Variants in ERBIN observed in about 807,000 individuals in gnomAD.
ERBIN encodes densin-180-like protein.
A neutral mutation model predicts 158.4 loss-of-function variants in ERBIN; 60 were observed. The ratio of observed to expected loss-of-function variants is 0.38; its 90% CI spans 0.31 to 0.47. ERBIN has a LOEUF of 0.47. ERBIN is among the 20% of genes least tolerant of loss of function. ERBIN has a pLI of 0.99. For synonymous variants in ERBIN, 594 were observed against 557.2 expected, an observed-to-expected ratio of 1.07 and a Z score of -0.93; for missense variants, 1,610 against 1,648.0, an observed-to-expected ratio of 0.98 and a Z score of 0.40.
intron 1 of ERBIN, among the ~76,000 whole-genome samples, chr5:65,936,683 G>A (rs1472778888): frequency 6.6e-6 from 1 of 152,158 alleles, no homozygotes; most frequent in Non-Finnish European, 1.5e-5. Context: ...ATAAGGTGAA[G>A]GGCTTTTGAT....
chr5:66,011,517 G>A (rs59690643), intron 4 of ERBIN, among the ~76,000 whole-genome samples: 1,684 of 152,120 alleles, frequency 0.011, 28 homozygotes, highest in African/African-American at 0.037. Context: ...GTGAAACCCC[G>A]TCTCTACTGA....
chr5:65,986,177 G>A (rs1374602458), intron 1 of ERBIN, among the ~76,000 whole-genome samples: 1 of 152,120 alleles, frequency 6.6e-6, no homozygotes, highest in East Asian at 1.9e-4. Context: ...TCCACAGCTT[G>A]GATCTCTTCC....
intron 15 of ERBIN, among the ~76,000 whole-genome samples, chr5:66,040,403 A>G (rs532796139): frequency 6.6e-5 from 10 of 152,052 alleles, no homozygotes; most frequent in African/African-American, 2.4e-4. Flanking sequence ...AATTCAGGTA[A>G]AACATTTATT....
At chr5:65,941,932 G>A (rs1405616343) in intron 1 of ERBIN, among the ~76,000 whole-genome samples, 2 of 152,096 alleles carry the variant, frequency 1.3e-5, no homozygotes, top group African/African-American at 4.8e-5. Flanking sequence ...AGTAGAGATG[G>A]GGTTTCACCA....
chr5:65,993,361 T>A (rs542704671), intron 3 of ERBIN, among the ~76,000 whole-genome samples: 24 of 152,348 alleles, frequency 1.6e-4, no homozygotes, highest in African/African-American at 5.5e-4. Flanking sequence ...ATTGTTTTCC[T>A]CCATTTACAA....
intron 6 of ERBIN, 38 bp downstream of exon 6, chr5:66,013,676 C>T (rs199715170): frequency 7.4e-7 from 1 of 1,356,542 alleles, no homozygotes; most frequent in African/African-American, 1.4e-5. Flanking sequence ...TTATTATTAG[C>T]TCTTATAAAG....
intron 21 of ERBIN, among the ~76,000 whole-genome samples, chr5:66,057,205 A>G (rs73763080): frequency 0.06 from 9,152 of 152,254 alleles, 973 homozygotes; most frequent in African/African-American, 0.21. Flanking sequence ...ACTTGGACAA[A>G]TAACTTTGAC....
chr5:66,053,329 AATTT>A (rs763081039), intron 20 of ERBIN, 73 bp from the exon 21 acceptor site: 116 of 852,814 alleles, frequency 1.4e-4, no homozygotes, highest in Non-Finnish European at 1.7e-4. Flanking sequence ...CTACCTACAC[AATTT>A]ATTTATTAAT....
intron 4 of ERBIN, among the ~76,000 whole-genome samples, chr5:66,005,013 A>G (rs1561361281): frequency 6.6e-6 from 1 of 152,182 alleles, no homozygotes; most frequent in Non-Finnish European, 1.5e-5. Flanking sequence ...TCAGTAGAAT[A>G]GAGTCACTTG....
At chr5:65,942,423 T>G (rs1323818782) in intron 1 of ERBIN, among the ~76,000 whole-genome samples, 1 of 152,230 alleles carries the variant, frequency 6.6e-6, no homozygotes, top group Admixed American at 6.5e-5. Flanking sequence ...CTCATCTAAG[T>G]GAGGAAATTC....
chr5:66,071,902 C>T (rs1432143457), intron 21 of ERBIN, among the ~76,000 whole-genome samples: 1 of 152,002 alleles, frequency 6.6e-6, no homozygotes, highest in Non-Finnish European at 1.5e-5. Flanking sequence ...ATGCAAAATT[C>T]ATCTTCTACA....
At chr5:65,973,961 G>C (rs1209333376) in intron 1 of ERBIN, among the ~76,000 whole-genome samples, 2 of 151,330 alleles carry the variant, frequency 1.3e-5, no homozygotes, top group African/African-American at 4.9e-5. Flanking sequence ...GAGGCCAGGC[G>C]CTGTGACTCA....
rs1759366122 is a variant in ERBIN at position 66,054,316 on chromosome 5, A to G, written c.2998A>G (p.Ile1000Val). 1 of 1,614,042 alleles carries G rather than the reference A, an allele frequency of 6.2e-7. No individual in the cohort carries two copies. Among genetic ancestry groups the G allele is most frequent in the African/African-American group, 1.3e-5 (1 of 74,920 alleles). Residue 1000 changes from isoleucine to valine, a missense_variant, in exon 21 of 26, where the codon ATA (isoleucine) becomes GTA (valine). Around this residue, in one of 2 missense-constraint regions of ERBIN, gnomAD observed 1,014 missense variants for 936.1 expected, o/e 1.08. Transcript: ENST00000284037. ...TLWHSKQNPQ[I>V]DHASFPPQLL... The stretch of plus-strand genomic sequence containing the variant: ...GTGGCACTCCAAACAAAATCCCCAA[A>G]TAGACCATGCCAGTTTTCCTCCTCA...
chr5:65,978,574 G>A (rs1016959139), intron 1 of ERBIN, among the ~76,000 whole-genome samples: 10 of 152,234 alleles, frequency 6.6e-5, no homozygotes, highest in African/African-American at 2.4e-4. Context: ...GGTGAATGTG[G>A]CAGTTTGCCC....
At chr5:65,951,678 A>C (rs1379039354) in intron 1 of ERBIN, among the ~76,000 whole-genome samples, 2 of 152,208 alleles carry the variant, frequency 1.3e-5, no homozygotes, top group Non-Finnish European at 2.9e-5. Flanking sequence ...GAATTTTCAA[A>C]ATAGTGGTAC....
chr5:66,035,173 C>G (rs917053646), intron 14 of ERBIN, among the ~76,000 whole-genome samples: 2 of 152,166 alleles, frequency 1.3e-5, no homozygotes, highest in Admixed American at 6.5e-5. Context: ...TTTCTCCCTA[C>G]TTTCTCCTGA....
At chr5:65,960,069 A>G (rs1747743319) in intron 1 of ERBIN, among the ~76,000 whole-genome samples, 2 of 152,266 alleles carry the variant, frequency 1.3e-5, no homozygotes, top group South Asian at 4.1e-4. Context: ...ATAGTCCACA[A>G]ATTAAAACAG....
intron 21 of ERBIN, chr5:66,068,782 TG>T: frequency 9.1e-7 from 1 of 1,102,564 alleles, no homozygotes; most frequent in East Asian, 2.8e-5. Flanking sequence ...TCTCTGGTTT[TG>T]GGGTTACTTG....
intron 4 of ERBIN, among the ~76,000 whole-genome samples, chr5:65,999,256 C>T (rs1752778594): frequency 6.6e-6 from 1 of 152,026 alleles, no homozygotes; most frequent in Non-Finnish European, 1.5e-5. Flanking sequence ...ATCCCAGCTA[C>T]TCGGGAGTCT....
Sources: gnomAD v4.1 joint callset for allele counts (sites outside exome capture counted in the v4.1 genomes callset) on GRCh38, gnomAD v4.1.1 for gene constraint, gnomAD v4.1.1 regional missense constraint, MANE v1.5 for transcripts, NCBI Gene and HGNC (gene_info 2026-07-23, HGNC 2026-07-21) for gene names.